Variants in PIBF1 observed in about 807,000 individuals in gnomAD.
PIBF1 encodes the protein progesterone-induced-blocking factor 1.
Under a neutral mutation model 112.5 loss-of-function variants are expected in PIBF1, and 90 were observed. The ratio of observed to expected loss-of-function variants is 0.80; its 90% CI spans 0.67 to 0.95. The LOEUF (loss-of-function observed/expected upper bound fraction) is 0.95. Ranked by LOEUF, PIBF1 falls within the 40% of genes least tolerant of loss-of-function variation. PIBF1 has a pLI of 0.00. For synonymous variants in PIBF1, 301 were observed against 288.6 expected (o/e 1.04, Z -0.44); for missense variants, 915 against 852.3 (o/e 1.07, Z -0.92).
intron 16 of PIBF1, among the ~76,000 whole-genome samples, chr13:72,998,328 T>C (rs1467202648): frequency 1.3e-5 from 2 of 152,120 alleles, no homozygotes; most frequent in Non-Finnish European, 2.9e-5. Flanking sequence ...ACAAAAAAAT[T>C]AGCTGGGCGT....
chr13:72,977,864 C>T (rs1198479802), intron 16 of PIBF1, among the ~76,000 whole-genome samples: 1 of 151,778 alleles, frequency 6.6e-6, no homozygotes, highest in South Asian at 2.1e-4. Context: ...ACTTTTTTTG[C>T]GAGAAAATAT....
intron 14 of PIBF1, among the ~76,000 whole-genome samples, chr13:72,938,986 C>T (rs766255066): frequency 2.6e-5 from 4 of 152,194 alleles, no homozygotes; most frequent in East Asian, 1.9e-4. Flanking sequence ...GATGTCTGTT[C>T]GAGTCATTTG....
intron 17 of PIBF1, 29 bp from the exon 18 acceptor site, chr13:73,015,840 T>C (rs1394867006): frequency 1.4e-6 from 2 of 1,418,274 alleles, no homozygotes; most frequent in Non-Finnish European, 1.9e-6. Flanking sequence ...AAGCATTTTA[T>C]TGGATTTTCT....
At chr13:72,805,367 C>A (rs942257538) in intron 5 of PIBF1, among the ~76,000 whole-genome samples, 8 of 152,296 alleles carry the variant, frequency 5.3e-5, no homozygotes, top group African/African-American at 1.9e-4. Context: ...TGGTCTCGAT[C>A]TCCTGACCTC....
chr13:72,899,546 C>T (rs769256999), intron 11 of PIBF1, among the ~76,000 whole-genome samples: 2 of 152,106 alleles, frequency 1.3e-5, no homozygotes, highest in East Asian at 1.9e-4. Flanking sequence ...GCAGAAACAG[C>T]GTTAGACAAA....
chr13:72,964,038 A>T (rs188778089), intron 14 of PIBF1, among the ~76,000 whole-genome samples: 7 of 152,216 alleles, frequency 4.6e-5, no homozygotes, highest in Non-Finnish European at 1.0e-4. Flanking sequence ...TTGTCCACCA[A>T]TGTTCATAGC....
chr13:72,996,452 A>G (rs1366865965), intron 16 of PIBF1, among the ~76,000 whole-genome samples: 1 of 152,186 alleles, frequency 6.6e-6, no homozygotes, highest in African/African-American at 2.4e-5. Flanking sequence ...TGTCAAGAAT[A>G]GATGTGTCGT....
At chr13:72,875,877 G>A (rs1218474594) in intron 10 of PIBF1, among the ~76,000 whole-genome samples, 1 of 152,176 alleles carries the variant, frequency 6.6e-6, no homozygotes, top group East Asian at 1.9e-4. Flanking sequence ...TCTTCTCCCA[G>A]TCTGGGGTTT....
intron 10 of PIBF1, among the ~76,000 whole-genome samples, chr13:72,879,705 T>C (rs917645105): frequency 6.6e-6 from 1 of 152,240 alleles, no homozygotes; most frequent in African/African-American, 2.4e-5. Flanking sequence ...GTCGACAAAC[T>C]ATGGCCGATA....
chr13:73,007,359 C>T (rs1357669096), intron 17 of PIBF1, among the ~76,000 whole-genome samples: 1 of 149,804 alleles, frequency 6.7e-6, no homozygotes, highest in Non-Finnish European at 1.5e-5. Flanking sequence ...TGCAGTGGCG[C>T]AATCTTGGCT....
intron 16 of PIBF1, among the ~76,000 whole-genome samples, chr13:72,993,195 C>T (rs1272867777): frequency 6.6e-6 from 1 of 151,912 alleles, no homozygotes; most frequent in African/African-American, 2.4e-5. Flanking sequence ...ATGGTTGGTG[C>T]ATGCCTGTAG....
chr13:73,001,582 C>CGTTTTTTTT (rs2043867446), intron 17 of PIBF1, among the ~76,000 whole-genome samples: 1 of 29,160 alleles, frequency 3.4e-5, no homozygotes, highest in Non-Finnish European at 7.5e-5. Flanking sequence ...AAGAGCTTGA[C>CGTTTTTTTT]TTTTTTTTTT....
intron 10 of PIBF1, among the ~76,000 whole-genome samples, chr13:72,882,437 G>A (rs970285941): frequency 2.2e-4 from 33 of 152,150 alleles, no homozygotes; most frequent in Admixed American, 1.1e-3. Flanking sequence ...TGGACAAATG[G>A]GATATCATCA....
intron 12 of PIBF1, among the ~76,000 whole-genome samples, chr13:72,913,596 G>A (rs2040970770): frequency 6.6e-6 from 1 of 151,992 alleles, no homozygotes; most frequent in South Asian, 2.1e-4. Flanking sequence ...GGGGCAACCT[G>A]GCAAGACCAT....
At chr13:72,809,377 A>T (rs1019929678) in intron 5 of PIBF1, among the ~76,000 whole-genome samples, 10 of 151,746 alleles carry the variant, frequency 6.6e-5, no homozygotes, top group Non-Finnish European at 2.9e-5. Flanking sequence ...GTATTCAGAG[A>T]TGTCTCAGTT....
intron 14 of PIBF1, among the ~76,000 whole-genome samples, chr13:72,945,202 G>A (rs893052620): frequency 1.4e-4 from 22 of 152,166 alleles, no homozygotes; most frequent in African/African-American, 4.8e-4. Flanking sequence ...AGCTGCATCT[G>A]TGTTGCTGCA....
intron 6 of PIBF1, among the ~76,000 whole-genome samples, chr13:72,825,143 C>T (rs918284869): frequency 6.6e-6 from 1 of 151,940 alleles, no homozygotes; most frequent in Admixed American, 6.6e-5. Context: ...ATAATAGATC[C>T]TTGGATTACC....
At position 72,998,991 on chromosome 13, in the gene PIBF1, T is replaced by C; in HGVS notation, c.2219T>C (p.Leu740Pro). ...EDNIFTPKPTLFTKKEAPEWS... is the reference protein window; with the variant it reads ...EDNIFTPKPTPFTKKEAPEWS... Reference sequence around the variant, plus strand: ...AATATATTTACACCTAAACCAACACTCTTTGTAAGTACAATTTTTAAAACT... The same window carrying C: ...AATATATTTACACCTAAACCAACACCCTTTGTAAGTACAATTTTTAAAACT... The change falls in exon 17 of 18, where the codon CTC becomes CCC. Residue 740 changes from leucine to proline, a missense_variant. Physicochemically the swap from Leu to Pro is moderately conservative, Grantham distance 98. Transcript: ENST00000326291. 1.3e-6 allele frequency: 2 copies of C among 1,551,026 alleles called. No homozygotes were observed. Among genetic ancestry groups the C allele is most frequent in the Non-Finnish European group, 1.8e-6 (2 of 1,139,946 alleles).
Position 72,944,098 on chromosome 13 carries a change from TA to T in PIBF1, c.1833+12834del, listed in dbSNP as rs200530906. Reference sequence around the variant, plus strand: ...TTTTTCTTGTAAATCTGGCAATTTTTAAAGGAAATAATAGGTCCAGAATTGG... The same window carrying T: ...TTTTTCTTGTAAATCTGGCAATTTTTAAGGAAATAATAGGTCCAGAATTGG... On this transcript the variant is annotated intron_variant, in intron 14 of 17. Transcript: ENST00000326291. Among the ~76,000 whole-genome samples, 1,052 of 152,270 alleles carry T rather than the reference TA, an allele frequency of 6.9e-3. 15 individuals carry two copies. The highest frequency in any genetic ancestry group is 0.024 in the African/African-American group (1,015 of 41,554).
Sources: gnomAD v4.1 joint callset for allele counts (sites outside exome capture counted in the v4.1 genomes callset) on GRCh38, gnomAD v4.1.1 for gene constraint, MANE v1.5 for transcripts, NCBI Gene and HGNC (gene_info 2026-07-23, HGNC 2026-07-21) for gene names.